TBXT: variants seen among roughly 807,000 people sequenced by gnomAD.
The protein encoded by TBXT is T-box transcription factor T.
TBXT carries 19 observed loss-of-function variants against 41.1 expected under a neutral mutation model. The observed-to-expected ratio is 0.46, with a 90% confidence interval of 0.32 to 0.68. TBXT has a LOEUF of 0.68. TBXT is among the 30% of genes least tolerant of loss of function. The pLI is 0.03. For missense variants in TBXT, 536 were observed against 582.0 expected (o/e 0.92, Z 0.81); for synonymous variants, 213 against 238.9 (o/e 0.89, Z 1.00).
chr6:166,162,640 T>G lies in TBXT; in HGVS notation c.731-17A>C. ...ACCCCCCTGCTGTGAGAAAAGACAG[T>G]GCTGAGTAACCTGCATTAGTGCTCC... On this transcript the variant is annotated splice_polypyrimidine_tract_variant and intron_variant, in intron 5 of 7. Transcript: ENST00000366876. 6.2e-7 allele frequency: 1 copy of G among 1,601,258 alleles called. No homozygotes were observed. Among genetic ancestry groups the G allele is most frequent in the Non-Finnish European group, 8.5e-7 (1 of 1,173,324 alleles).
intron 3 of TBXT, 31 bp downstream of exon 3, chr6:166,165,675 C>G (rs757289502): frequency 1.2e-6 from 2 of 1,613,052 alleles, no homozygotes; most frequent in African/African-American, 2.7e-5. Context: ...CGCAGCACAC[C>G]GGGAAAGCGA....
At position 166,158,331 on chromosome 6, in the gene TBXT, G is replaced by C. The variant is rs372990504; in HGVS notation, c.1295C>G (p.Ser432Trp). 1 of 1,614,250 alleles carries C rather than the reference G, an allele frequency of 6.2e-7. No individual in the cohort carries two copies. The highest frequency in any genetic ancestry group is 8.5e-7 in the Non-Finnish European group (1 of 1,180,042). Residue 432 changes from serine to tryptophan, a missense_variant, in exon 8 of 8, where the codon TCG (serine) becomes TGG (tryptophan). Transcript: ENST00000366876. ...GRLIASWTPV[S>W]PPSM ...CTTGCTGCTTCACATGGAAGGTGGC[G>C]ACACAGGTGTCCATGAGGCTATGAG...
Position 166,167,658 on chromosome 6 carries a change from CT to C in TBXT, c.-68del. The stretch of plus-strand genomic sequence containing the variant: ...ACTCGCTACCTGAGATCCACCTTCC[CT>C]GCTCTTGGCCGCCGCCCTTCCGAGA... On this transcript the variant is annotated 5_prime_UTR_variant, in exon 1 of 8. Transcript: ENST00000366876. The C allele has an allele frequency of 3.3e-6, 5 of 1,532,056 alleles. No homozygotes were observed. Among genetic ancestry groups the C allele is most frequent in the Non-Finnish European group, 3.5e-6 (4 of 1,143,266 alleles). 94.9% of individuals were successfully genotyped at this position (1,532,056 alleles called of 1,614,324 possible).
chr6:166,161,970 A>G (rs921996626), intron 6 of TBXT, among the ~76,000 whole-genome samples: 2 of 152,186 alleles, frequency 1.3e-5, no homozygotes, highest in Admixed American at 6.5e-5. Flanking sequence ...GCTGCCTGTC[A>G]GTCTGGGGTG....
intron 5 of TBXT, among the ~76,000 whole-genome samples, chr6:166,163,547 C>A (rs1051982561): frequency 2.6e-5 from 4 of 152,128 alleles, no homozygotes; most frequent in Non-Finnish European, 4.4e-5. Flanking sequence ...TCATGCCTGA[C>A]AATTTTTGTA....
At chr6:166,159,394 G>A (rs932573070) in intron 7 of TBXT, among the ~76,000 whole-genome samples, 5 of 151,402 alleles carry the variant, frequency 3.3e-5, no homozygotes, top group Non-Finnish European at 7.4e-5. Flanking sequence ...AGTAACTCCA[G>A]TACAGACACA....
chr6:166,158,395 T>C lies in TBXT; in HGVS notation c.1231A>G (p.Ile411Val). The change falls in exon 8 of 8, where the codon ATC (isoleucine) becomes GTC (valine). Residue 411 changes from isoleucine to valine, a missense_variant. Ile to Val is a conservative substitution (Grantham distance 29). Coordinates refer to ENST00000366876, the MANE Select transcript of TBXT (RefSeq NM_001366285.2). ...LYEGAAAATDIVDSQYDAAAQ... is the reference protein window; with the variant it reads ...LYEGAAAATDVVDSQYDAAAQ... ...GCGGCGTCGTACTGGCTGTCCACGA[T>C]GTCTGTGGCCGCGGCCGCCCCTTCG... is the stretch of plus-strand genomic sequence containing the variant. The C allele has an allele frequency of 1.9e-6, 3 of 1,614,178 alleles. No individual in the cohort carries two copies. Among genetic ancestry groups the C allele is most frequent in the Non-Finnish European group, 2.5e-6 (3 of 1,180,034 alleles).
intron 3 of TBXT, 35 bp from the exon 4 acceptor site, chr6:166,164,896 C>T (rs371217127): frequency 1.9e-6 from 3 of 1,566,634 alleles, no homozygotes; most frequent in African/African-American, 1.4e-5. Flanking sequence ...CTAGTATATT[C>T]CCTATTAGCC....
intron 7 of TBXT, among the ~76,000 whole-genome samples, chr6:166,160,326 C>G (rs991524000): frequency 1.3e-5 from 2 of 152,184 alleles, no homozygotes; most frequent in African/African-American, 4.8e-5. Context: ...AGCCTGTATC[C>G]ATAGAAAAGC....
In TBXT at chr6:166,166,523, C is replaced by T; in HGVS notation, c.471+69G>A. On this transcript the variant is annotated intron_variant, in intron 2 of 7. Coordinates refer to ENST00000366876, the MANE Select transcript of TBXT (RefSeq NM_001366285.2). ...TTCAAGCAGCGTCCCTTCCCACAAC[C>T]CCCGTGCAGAAGGCGCAGCGCGGCC... 1.9e-6 allele frequency: 3 copies of T among 1,609,526 alleles called. No homozygotes were observed. The East Asian group carries it at 6.7e-5, about 36-fold the overall frequency.
At chr6:166,168,018 A>G (rs2128524065), upstream of TBXT, 1 of 234,464 alleles carries the variant, frequency 4.3e-6, no homozygotes, top group Non-Finnish European at 8.5e-6. Context: ...GGGGCCAACA[A>G]TGGGCTCCCG....
chr6:166,160,753 T>C, intron 7 of TBXT, 84 bp downstream of exon 7: 1 of 1,591,332 alleles, frequency 6.3e-7, no homozygotes, highest in South Asian at 1.1e-5. Context: ...GAATAAGGAC[T>C]AAGGGCCTAT....
rs376539622 is a variant in TBXT, at chr6:166,166,344, CA to C, written c.471+247del. Among the ~76,000 whole-genome samples, 49 of 152,360 alleles carry C rather than the reference CA, an allele frequency of 3.2e-4. No individual in the cohort carries two copies. The East Asian group carries it at 5.6e-3, about 17-fold the overall frequency. Reference sequence around the variant, plus strand: ...ACCCCCAGGAGAGTTTAGGGCTAGACAACGGAAGTTCCCCAAAAGCTCCAGT... The same window carrying C: ...ACCCCCAGGAGAGTTTAGGGCTAGACACGGAAGTTCCCCAAAAGCTCCAGT... On this transcript the variant is annotated intron_variant, in intron 2 of 7. Transcript: ENST00000366876.
chr6:166,160,315 G>A (rs1412450006), intron 7 of TBXT, among the ~76,000 whole-genome samples: 9 of 152,154 alleles, frequency 5.9e-5, no homozygotes, highest in African/African-American at 1.9e-4. Context: ...TAAAGACTTC[G>A]AGCCTGTATC....
chr6:166,159,995 G>T (rs1778905156), intron 7 of TBXT, among the ~76,000 whole-genome samples: 2 of 152,164 alleles, frequency 1.3e-5, no homozygotes, highest in African/African-American at 4.8e-5. Context: ...TTCTAGACAA[G>T]AATTAAGATC....
chr6:166,167,263 G>A (rs1022659121), intron 1 of TBXT, 123 bp downstream of exon 1: 7 of 1,115,074 alleles, frequency 6.3e-6, no homozygotes, highest in African/African-American at 6.2e-5. Context: ...TAACCAGAGC[G>A]GGAACAAACA....
At chr6:166,160,575 A>T (rs1392025754) in intron 7 of TBXT, among the ~76,000 whole-genome samples, 2 of 152,120 alleles carry the variant, frequency 1.3e-5, no homozygotes, top group African/African-American at 2.4e-5. Flanking sequence ...TCATTCAGGG[A>T]TGGGATAGCG....
At chr6:166,162,071 G>A (rs773422623) in intron 6 of TBXT, among the ~76,000 whole-genome samples, 1 of 152,226 alleles carries the variant, frequency 6.6e-6, no homozygotes, top group African/African-American at 2.4e-5. Context: ...AGGAATTCTT[G>A]AGCCTGGCTG....
intron 1 of TBXT, 37 bp downstream of exon 1, chr6:166,167,349 A>T (rs371264938): frequency 9.3e-6 from 15 of 1,609,854 alleles, no homozygotes; most frequent in Non-Finnish European, 2.5e-6. Flanking sequence ...CAGGCGCTGG[A>T]GAGCGCGGCG....
Sources: allele counts gnomAD v4.1 joint callset (sites outside exome capture counted in the v4.1 genomes callset), GRCh38; gene constraint gnomAD v4.1.1; transcripts MANE v1.5; gene names NCBI Gene and HGNC (gene_info 2026-07-23, HGNC 2026-07-21).